The following ZFPM2 variants were observed in gnomAD, a reference collection of about 807,000 sequenced individuals.
ZFPM2 encodes zinc finger protein, FOG family member 2, also known as zinc finger protein ZFPM2.
Under a neutral mutation model 98.6 loss-of-function variants are expected in ZFPM2, and 20 were observed. The ratio of observed to expected loss-of-function variants is 0.20; its 90% CI spans 0.14 to 0.29. ZFPM2 has a LOEUF of 0.29. Ranked by LOEUF, ZFPM2 falls within the 10% of genes least tolerant of loss-of-function variation. The probability of loss-of-function intolerance (pLI) is 1.00; values close to 1 mark genes in which losing one functional copy is unlikely to be tolerated. For missense variants in ZFPM2, 1,310 were observed against 1,388.6 expected, an observed-to-expected ratio of 0.94 and a Z score of 0.90; for synonymous variants, 518 against 502.7, an observed-to-expected ratio of 1.03 and a Z score of -0.41.
At position 105,788,720 on chromosome 8, in the gene ZFPM2, G is replaced by A. The variant is rs763209138; in HGVS notation, c.535G>A (p.Gly179Ser). The A allele has an allele frequency of 3.1e-6, 5 of 1,613,676 alleles. No homozygotes were observed. The highest frequency in any genetic ancestry group is 1.6e-4 in the Middle Eastern group (1 of 6,082). ...TTTTTCTTTTTTCTTCTTAATAGGG[G>A]GTCAGCTTTGGTGTACAACTACGAA... ...KNNCIVYSKG[G>S]QLWCTTTKAI... Residue 179 changes from glycine (G) to serine (S), a missense_variant and splice_region_variant, in exon 6 of 8, where the codon GGT becomes AGT. Physicochemically the swap from Gly to Ser is moderately conservative, Grantham distance 56. Transcript: ENST00000407775.
At chr8:105,337,374 A>G (rs979620765) in intron 1 of ZFPM2, among the ~76,000 whole-genome samples, 1 of 151,810 alleles carries the variant, frequency 6.6e-6, no homozygotes, top group Non-Finnish European at 1.5e-5. Context: ...AATTTGAAGA[A>G]ATAAAATTTC....
chr8:105,531,253 T>A lies in ZFPM2; in HGVS notation c.302-30110T>A, dbSNP rs115774554. 5.7e-3 allele frequency among the ~76,000 whole-genome samples: 875 copies of A among 152,228 alleles called. 6 individuals carry two copies. The highest frequency in any genetic ancestry group is 0.019 in the African/African-American group (796 of 41,540). On this transcript the variant is annotated intron_variant, in intron 3 of 7. Transcript: ENST00000407775. ...ATGGATGGCTAAAATACAAAAGAAA[T>A]CGATTCTCTTTCAGTACTGCAAGCT...
At chr8:105,437,349 T>C (rs145189831) in intron 2 of ZFPM2, among the ~76,000 whole-genome samples, 27 of 152,320 alleles carry the variant, frequency 1.8e-4, no homozygotes, top group African/African-American at 5.8e-4. Flanking sequence ...GTTATCAATA[T>C]TGAGTATTGC....
At chr8:105,364,115 T>C (rs1397540989) in intron 1 of ZFPM2, among the ~76,000 whole-genome samples, 1 of 152,082 alleles carries the variant, frequency 6.6e-6, no homozygotes, top group Non-Finnish European at 1.5e-5. Context: ...ATGGATATTT[T>C]TATAGGCATA....
At chr8:105,389,068 G>A (rs6469000) in intron 1 of ZFPM2, among the ~76,000 whole-genome samples, 81,227 of 148,936 alleles carry the variant, frequency 0.55, 22,286 homozygotes, top group Middle Eastern at 0.61. Flanking sequence ...GTAGGCATGA[G>A]GGGAGAGACG....
intron 2 of ZFPM2, among the ~76,000 whole-genome samples, chr8:105,438,002 C>A (rs1250261039): frequency 6.6e-6 from 1 of 152,060 alleles, no homozygotes; most frequent in Non-Finnish European, 1.5e-5. Flanking sequence ...GAGATTGTGC[C>A]ACTGCACTCC....
chr8:105,698,947 C>T (rs1415101461), intron 5 of ZFPM2, among the ~76,000 whole-genome samples: 1 of 152,022 alleles, frequency 6.6e-6, no homozygotes, highest in Non-Finnish European at 1.5e-5. Flanking sequence ...CTTTTGAGGG[C>T]CTGGAAAAGG....
intron 1 of ZFPM2, among the ~76,000 whole-genome samples, chr8:105,363,902 T>C (rs1389636531): frequency 1.3e-5 from 2 of 152,138 alleles, no homozygotes; most frequent in Non-Finnish European, 2.9e-5. Flanking sequence ...TTAACTTAAT[T>C]TATAAATAGA....
At chr8:105,397,654 T>C (rs1811248942) in intron 1 of ZFPM2, among the ~76,000 whole-genome samples, 1 of 152,192 alleles carries the variant, frequency 6.6e-6, no homozygotes, top group Non-Finnish European at 1.5e-5. Flanking sequence ...CCCTGAAATA[T>C]TGTTTCATAA....
intron 5 of ZFPM2, among the ~76,000 whole-genome samples, chr8:105,721,449 A>C (rs1811661312): frequency 6.6e-6 from 1 of 151,964 alleles, no homozygotes; most frequent in Admixed American, 6.6e-5. Flanking sequence ...AAAAACAGAA[A>C]GTTTATCTTT....
chr8:105,657,056 A>G (rs1817299848), intron 5 of ZFPM2, among the ~76,000 whole-genome samples: 2 of 152,190 alleles, frequency 1.3e-5, no homozygotes, highest in African/African-American at 4.8e-5. Context: ...GGAAGCAATG[A>G]AATAGATAAC....
At chr8:105,489,443 TG>T (rs1233643662) in intron 3 of ZFPM2, among the ~76,000 whole-genome samples, 12 of 115,434 alleles carry the variant, frequency 1.0e-4, no homozygotes, top group African/African-American at 4.5e-4. Context: ...TATAGATATA[TG>T]TTTTTATATA....
chr8:105,413,574 T>C (rs1243391715), intron 1 of ZFPM2, among the ~76,000 whole-genome samples: 1 of 150,922 alleles, frequency 6.6e-6, no homozygotes, highest in Non-Finnish European at 1.5e-5. Context: ...TTCAATTGTA[T>C]GATTTGGAGG....
At chr8:105,406,993 G>A (rs183560391) in intron 1 of ZFPM2, among the ~76,000 whole-genome samples, 2 of 151,886 alleles carry the variant, frequency 1.3e-5, no homozygotes, top group Non-Finnish European at 2.9e-5. Context: ...GGAAGGTGGT[G>A]TGGTATGATG....
rs528442769 is a variant in ZFPM2 at position 105,431,412 on chromosome 8, G to A, written c.199+12110G>A. Among the ~76,000 whole-genome samples, 86 of 152,284 alleles carry A rather than the reference G, an allele frequency of 5.6e-4. 2 individuals carry two copies. The highest frequency in any genetic ancestry group is 3.7e-3 in the South Asian group (18 of 4,824). On this transcript the variant is annotated intron_variant, in intron 2 of 7. Transcript: ENST00000407775. ...CAGTCAGTGCATTCAACATTCATGC[G>A]TTAGCTAATCCAGTAAATATTTATT...
At chr8:105,454,793 T>C (rs1264145976) in intron 3 of ZFPM2, among the ~76,000 whole-genome samples, 3 of 152,224 alleles carry the variant, frequency 2.0e-5, no homozygotes, top group Non-Finnish European at 4.4e-5. Flanking sequence ...ATCGTTCTCA[T>C]TATTTAAAAC....
At chr8:105,427,085 A>G (rs768048439) in intron 2 of ZFPM2, among the ~76,000 whole-genome samples, 1 of 152,312 alleles carries the variant, frequency 6.6e-6, no homozygotes, top group South Asian at 2.1e-4. Context: ...TTTGTTTGGA[A>G]TGAGATTGAT....
At chr8:105,762,098 A>G (rs1055518247) in intron 5 of ZFPM2, among the ~76,000 whole-genome samples, 12 of 151,976 alleles carry the variant, frequency 7.9e-5, no homozygotes, top group African/African-American at 2.7e-4. Context: ...TTTGACAAAT[A>G]ATTTAAGTTT....
intron 4 of ZFPM2, among the ~76,000 whole-genome samples, chr8:105,568,177 GCTTTTTACC>G (rs1463743709): frequency 1.3e-5 from 2 of 151,888 alleles, no homozygotes; most frequent in African/African-American, 4.8e-5. Context: ...TCTAACCTTG[GCTTTTTACC>G]CTTTCTCTAA....
Sources: allele counts gnomAD v4.1 joint callset (sites outside exome capture counted in the v4.1 genomes callset), GRCh38; gene constraint gnomAD v4.1.1; transcripts MANE v1.5; gene names NCBI Gene and HGNC (gene_info 2026-07-23, HGNC 2026-07-21).